Variants in PPP6C observed in about 807,000 individuals in gnomAD.
PPP6C encodes serine/threonine-protein phosphatase 6 catalytic subunit.
In PPP6C, 11 loss-of-function variants were observed where a neutral mutation model predicts 39.8. That is an observed-to-expected ratio of 0.28 (90% CI 0.17 to 0.46). PPP6C has a LOEUF of 0.46. Among genes scored for constraint, PPP6C ranks in the 20% least tolerant of loss-of-function variants. The pLI is 1.00. For synonymous variants in PPP6C, 129 were observed against 130.3 expected (o/e 0.99, Z 0.07); for missense variants, 211 against 373.9 (o/e 0.56, Z 3.59).
Position 125,147,649 on chromosome 9 carries a change from C to T in PPP6C, c.*2024G>A, listed in dbSNP as rs527990051. 1 of 152,098 alleles carries T rather than the reference C, an allele frequency of 6.6e-6. No homozygotes were observed. Among genetic ancestry groups the T allele is most frequent in the Non-Finnish European group, 1.5e-5 (1 of 68,010 alleles). The allele number at this position is 152,098 out of a possible 1,614,324, so 9.4% of individuals were successfully genotyped here. ...CAACTAGTGACAAACAAATGCAGTA[C>T]ACAATGACTTAAAAATAAAAGTCAC... On this transcript the variant is annotated 3_prime_UTR_variant, in exon 7 of 7. Transcript: ENST00000373547.
intron 2 of PPP6C, among the ~76,000 whole-genome samples, chr9:125,163,516 C>T (rs761037589): frequency 1.3e-5 from 2 of 152,048 alleles, no homozygotes; most frequent in African/African-American, 2.4e-5. Context: ...CTGCATCCTC[C>T]GCCTCCCAGG....
At chr9:125,177,241 G>A (rs1829319708) in intron 1 of PPP6C, among the ~76,000 whole-genome samples, 1 of 152,124 alleles carries the variant, frequency 6.6e-6, no homozygotes, top group Non-Finnish European at 1.5e-5. Context: ...GGGCGTGGTG[G>A]CGGGCGCCTG....
chr9:125,172,720 A>C (rs1005025071), intron 1 of PPP6C, among the ~76,000 whole-genome samples: 6 of 144,700 alleles, frequency 4.1e-5, no homozygotes, highest in African/African-American at 7.6e-5. Flanking sequence ...AATACACACA[A>C]ACACACACAC....
chr9:125,176,431 G>C (rs148599628), intron 1 of PPP6C, among the ~76,000 whole-genome samples: 5 of 152,262 alleles, frequency 3.3e-5, no homozygotes, highest in South Asian at 4.1e-4. Flanking sequence ...CGAGGTGAGC[G>C]TATCACTTGA....
intron 2 of PPP6C, among the ~76,000 whole-genome samples, chr9:125,165,841 G>A (rs902401452): frequency 7.9e-6 from 1 of 127,044 alleles, no homozygotes; most frequent in East Asian, 2.3e-4. Flanking sequence ...CTGTTGTCCA[G>A]GCTGGAGTAC....
rs1158273270 is a variant in PPP6C, at chr9:125,147,676, T to A, written c.*1997A>T. On this transcript the variant is annotated 3_prime_UTR_variant, in exon 7 of 7. Coordinates refer to ENST00000373547, the MANE Select transcript of PPP6C (RefSeq NM_002721.5). ...CAATGACTTAAAAATAAAAGTCACA[T>A]TATAGGGATAACAAAAACAACTACA... 1.3e-5 allele frequency: 2 copies of A among 152,122 alleles called. No homozygotes were observed. Among genetic ancestry groups the A allele is most frequent in the African/African-American group, 4.8e-5 (2 of 41,440 alleles). 9.4% of individuals were successfully genotyped at this position (152,122 alleles called of 1,614,324 possible). A position where few individuals can be genotyped will look rare whatever the true frequency, so the allele number is the denominator to read the frequency against.
chr9:125,177,609 C>T (rs150204682), intron 1 of PPP6C, among the ~76,000 whole-genome samples: 9 of 152,186 alleles, frequency 5.9e-5, no homozygotes, highest in African/African-American at 2.2e-4. Flanking sequence ...CTCCCCACAG[C>T]CTCCCCGCAT....
intron 1 of PPP6C, among the ~76,000 whole-genome samples, chr9:125,187,647 T>G (rs1174490563): frequency 2.0e-5 from 3 of 151,866 alleles, no homozygotes; most frequent in Admixed American, 1.3e-4. Context: ...GCATGATAAA[T>G]AAGAAGAAAA....
At chr9:125,166,561 C>T (rs1355612507) in intron 2 of PPP6C, among the ~76,000 whole-genome samples, 2 of 137,648 alleles carry the variant, frequency 1.5e-5, no homozygotes. Flanking sequence ...TTAGCAGAGT[C>T]TCACTCTGTC....
chr9:125,170,402 A>G (rs1395485122), intron 2 of PPP6C, among the ~76,000 whole-genome samples: 1 of 151,802 alleles, frequency 6.6e-6, no homozygotes, highest in African/African-American at 2.4e-5. Context: ...ATGCCCAGCT[A>G]ATTTTTTTGT....
At chr9:125,188,342 G>A (rs1425638659) in intron 1 of PPP6C, among the ~76,000 whole-genome samples, 1 of 151,262 alleles carries the variant, frequency 6.6e-6, no homozygotes, top group Admixed American at 6.6e-5. Flanking sequence ...CCGAGATGGT[G>A]CCACCGCACT....
chr9:125,151,318 A>T (rs1835935839), intron 6 of PPP6C: 1 of 1,462,440 alleles, frequency 6.8e-7, no homozygotes, highest in East Asian at 2.3e-5. Context: ...CTTGTGGCAC[A>T]ATCTGCCATG....
intron 1 of PPP6C, among the ~76,000 whole-genome samples, chr9:125,179,548 G>C (rs2131339485): frequency 6.6e-6 from 1 of 152,072 alleles, no homozygotes; most frequent in South Asian, 2.1e-4. Context: ...ACCTAGGCAT[G>C]CTCCCTCCTC....
At chr9:125,162,544 C>T (rs1828905673) in intron 2 of PPP6C, among the ~76,000 whole-genome samples, 1 of 149,838 alleles carries the variant, frequency 6.7e-6, no homozygotes, top group African/African-American at 2.5e-5. Flanking sequence ...GAGGCTGAGG[C>T]AGGTGGATCA....
Position 125,147,655 on chromosome 9 carries a change from G to A in PPP6C, c.*2018C>T, listed in dbSNP as rs1310157113. The A allele has an allele frequency of 6.6e-6, 1 of 152,090 alleles. No individual in the cohort carries two copies. Among genetic ancestry groups the A allele is most frequent in the Non-Finnish European group, 1.5e-5 (1 of 68,002 alleles). 9.4% of individuals were successfully genotyped at this position (152,090 alleles called of 1,614,324 possible). ...GTGACAAACAAATGCAGTACACAAT[G>A]ACTTAAAAATAAAAGTCACATTATA... On this transcript the variant is annotated 3_prime_UTR_variant, in exon 7 of 7. Transcript: ENST00000373547.
intron 1 of PPP6C, among the ~76,000 whole-genome samples, chr9:125,186,229 A>T (rs896965832): frequency 9.9e-5 from 15 of 152,024 alleles, no homozygotes; most frequent in Admixed American, 7.9e-4. Context: ...ACAGCCTCAG[A>T]AAAAGTACTC....
intron 6 of PPP6C, among the ~76,000 whole-genome samples, chr9:125,153,181 G>A (rs868538322): frequency 2.0e-5 from 3 of 152,016 alleles, no homozygotes; most frequent in African/African-American, 7.2e-5. Flanking sequence ...GCTGAGGCAG[G>A]AGAATGGCTT....
At chr9:125,162,930 T>A (rs1350567048) in intron 2 of PPP6C, among the ~76,000 whole-genome samples, 1 of 151,110 alleles carries the variant, frequency 6.6e-6, no homozygotes, top group African/African-American at 2.4e-5. Context: ...ATACAAAAAT[T>A]AGCCAGGCGT....
At chr9:125,175,512 A>C (rs1829277691) in intron 1 of PPP6C, among the ~76,000 whole-genome samples, 1 of 151,624 alleles carries the variant, frequency 6.6e-6, no homozygotes. Context: ...GCATGGTGGC[A>C]GGCGCCTGTA....
Sources: gnomAD v4.1 joint callset for allele counts (sites outside exome capture counted in the v4.1 genomes callset) on GRCh38, gnomAD v4.1.1 for gene constraint, MANE v1.5 for transcripts, NCBI Gene and HGNC (gene_info 2026-07-23, HGNC 2026-07-21) for gene names.